TRIM9: variants seen among roughly 807,000 people sequenced by gnomAD.
TRIM9 encodes E3 ubiquitin-protein ligase TRIM9.
TRIM9 carries 26 observed loss-of-function variants against 78.3 expected under a neutral mutation model. That is an observed-to-expected ratio of 0.33 (90% CI 0.24 to 0.46). TRIM9 has a LOEUF of 0.46. Ranked by LOEUF, TRIM9 falls within the 20% of genes least tolerant of loss-of-function variation. The probability of loss-of-function intolerance (pLI) is 1.00; values close to 1 mark genes in which losing one functional copy is unlikely to be tolerated. For synonymous variants in TRIM9, 398 were observed against 416.5 expected (o/e 0.96, Z 0.54); for missense variants, 787 against 1,036.4 (o/e 0.76, Z 3.30).
intron 1 of TRIM9, among the ~76,000 whole-genome samples, chr14:51,077,514 TCTCCAA>T (rs1205618607): frequency 6.7e-6 from 1 of 148,536 alleles, no homozygotes; most frequent in Admixed American, 6.8e-5. Context: ...TGCCTCAGAC[TCTCCAA>T]GTAGCTGGGA....
At chr14:50,987,778 T>C (rs1020360752) in intron 7 of TRIM9, among the ~76,000 whole-genome samples, 4 of 151,962 alleles carry the variant, frequency 2.6e-5, no homozygotes, top group Non-Finnish European at 5.9e-5. Flanking sequence ...GTCAATAAAA[T>C]ATTTTATTTA....
intron 1 of TRIM9, among the ~76,000 whole-genome samples, chr14:51,030,027 T>C (rs1200658087): frequency 6.6e-6 from 1 of 152,256 alleles, no homozygotes; most frequent in Non-Finnish European, 1.5e-5. Context: ...AATTACAGCA[T>C]GACTAGTTAA....
chr14:50,997,923 C>A, intron 7 of TRIM9, 127 bp downstream of exon 7: 1 of 1,511,186 alleles, frequency 6.6e-7, no homozygotes, highest in Non-Finnish European at 8.9e-7. Context: ...CGGCTCTGTG[C>A]AGAATGCAGA....
At position 50,981,084 on chromosome 14, in the gene TRIM9, T is replaced by C. The variant is rs558462542; in HGVS notation, c.2162+716A>G. On this transcript the variant is annotated intron_variant, in intron 11 of 12. Coordinates refer to ENST00000684578, the MANE Select transcript of TRIM9 (RefSeq NM_001387360.1). ...GTAGAAATTTCTCTGCCTAGGAAATTTGTGAAAAATACATTTGAGGAACAC... is the reference window on the plus strand; with the variant it reads ...GTAGAAATTTCTCTGCCTAGGAAATCTGTGAAAAATACATTTGAGGAACAC... 1.4e-4 allele frequency among the ~76,000 whole-genome samples: 22 copies of C among 152,094 alleles called. 1 individual carries two copies. Among genetic ancestry groups the C allele is most frequent in the Admixed American group, 2.6e-4 (4 of 15,268 alleles).
intron 1 of TRIM9, among the ~76,000 whole-genome samples, chr14:51,085,221 C>G (rs1596330651): frequency 6.6e-6 from 1 of 152,304 alleles, no homozygotes; most frequent in East Asian, 1.9e-4. Context: ...CTGACTGATG[C>G]TACCCAGCTA....
chr14:51,054,840 C>CT (rs1273397923), intron 1 of TRIM9, among the ~76,000 whole-genome samples: 1 of 133,816 alleles, frequency 7.5e-6, no homozygotes, highest in Non-Finnish European at 1.6e-5. Context: ...TGCCTGGCCT[C>CT]TTTTTTTGAG....
intron 1 of TRIM9, among the ~76,000 whole-genome samples, chr14:51,070,101 T>G (rs747809558): frequency 7.9e-5 from 12 of 152,218 alleles, no homozygotes; most frequent in Non-Finnish European, 1.8e-4. Flanking sequence ...TTTTTCATTT[T>G]GGTGCTTTTT....
intron 8 of TRIM9, among the ~76,000 whole-genome samples, chr14:50,984,314 G>T (rs577830644): frequency 6.6e-6 from 1 of 152,136 alleles, no homozygotes; most frequent in Non-Finnish European, 1.5e-5. Flanking sequence ...AGGATAATGT[G>T]CTGACTTAAA....
At chr14:51,066,578 T>C (rs1435280659) in intron 1 of TRIM9, among the ~76,000 whole-genome samples, 2 of 152,238 alleles carry the variant, frequency 1.3e-5, no homozygotes, top group African/African-American at 2.4e-5. Context: ...ATCATGTATA[T>C]GAACTGTTAA....
chr14:51,086,612 A>T (rs1456465839), intron 1 of TRIM9, among the ~76,000 whole-genome samples: 1 of 152,226 alleles, frequency 6.6e-6, no homozygotes, highest in African/African-American at 2.4e-5. Context: ...GAATTGAGTT[A>T]TTAGGGTTCA....
chr14:51,029,082 T>C (rs1556928), intron 1 of TRIM9, among the ~76,000 whole-genome samples: 121,021 of 152,060 alleles, frequency 0.8, 48,548 homozygotes, highest in African/African-American at 0.84. Context: ...AGCTGCTGAG[T>C]GTGCCCAGGC....
At chr14:51,069,621 T>C (rs2062040505) in intron 1 of TRIM9, among the ~76,000 whole-genome samples, 1 of 152,174 alleles carries the variant, frequency 6.6e-6, no homozygotes, top group Non-Finnish European at 1.5e-5. Flanking sequence ...ATTGTTGGTG[T>C]TTTTAATTTA....
intron 1 of TRIM9, among the ~76,000 whole-genome samples, chr14:51,042,485 T>G (rs929978467): frequency 8.5e-5 from 13 of 152,236 alleles, no homozygotes; most frequent in Non-Finnish European, 1.9e-4. Flanking sequence ...AATCTTTTAT[T>G]TCTAGTTGTA....
chr14:51,032,097 T>G (rs550018942), intron 1 of TRIM9, among the ~76,000 whole-genome samples: 2 of 152,222 alleles, frequency 1.3e-5, no homozygotes, highest in African/African-American at 4.8e-5. Context: ...TACCTCTTTT[T>G]AAATAATAAT....
At chr14:50,990,634 G>C (rs1216585933) in intron 7 of TRIM9, among the ~76,000 whole-genome samples, 1 of 152,192 alleles carries the variant, frequency 6.6e-6, no homozygotes, top group Non-Finnish European at 1.5e-5. Context: ...GGTTGCTTAT[G>C]ATAGTGTATA....
intron 1 of TRIM9, among the ~76,000 whole-genome samples, chr14:51,068,756 C>T (rs2061966218): frequency 6.6e-6 from 1 of 152,122 alleles, no homozygotes; most frequent in South Asian, 2.1e-4. Context: ...TGAGGCCAGC[C>T]CATGTTGCAG....
At chr14:51,032,266 T>A (rs1351833503) in intron 1 of TRIM9, among the ~76,000 whole-genome samples, 1 of 152,132 alleles carries the variant, frequency 6.6e-6, no homozygotes, top group Admixed American at 6.6e-5. Context: ...TGAACTTGAG[T>A]TTCAGTGGTG....
chr14:50,985,577 A>C (rs1349695783), intron 8 of TRIM9, among the ~76,000 whole-genome samples: 7 of 152,176 alleles, frequency 4.6e-5, no homozygotes, highest in Admixed American at 6.5e-5. Context: ...GGTTTCCTGG[A>C]TACAGAAGGG....
At chr14:51,027,531 G>T (rs940014891) in intron 1 of TRIM9, among the ~76,000 whole-genome samples, 11 of 151,602 alleles carry the variant, frequency 7.3e-5, no homozygotes, top group African/African-American at 2.7e-4. Flanking sequence ...TCCTGGAACA[G>T]GGTCTGTTGG....
Sources: allele counts gnomAD v4.1 joint callset (sites outside exome capture counted in the v4.1 genomes callset), GRCh38; gene constraint gnomAD v4.1.1; transcripts MANE v1.5; gene names NCBI Gene and HGNC (gene_info 2026-07-23, HGNC 2026-07-21).